Variants in ACBD6 observed in about 807,000 individuals in gnomAD.
ACBD6 encodes acyl-CoA-binding domain-containing protein 6.
In ACBD6, 28 loss-of-function variants were observed where a neutral mutation model predicts 37.2. The observed-to-expected ratio is 0.75, with a 90% CI of 0.56 to 1.03. The LOEUF is 1.03. ACBD6 is among the 50% of genes least tolerant of loss of function. The probability of loss-of-function intolerance (pLI) is 0.00; values close to 1 mark genes in which losing one functional copy is unlikely to be tolerated. For missense variants in ACBD6, 340 were observed against 337.4 expected, an observed-to-expected ratio of 1.01 and a Z score of -0.06; for synonymous variants, 113 against 126.8, an observed-to-expected ratio of 0.89 and a Z score of 0.73.
At chr1:180,387,425 C>T (rs1205700568) in intron 6 of ACBD6, among the ~76,000 whole-genome samples, 1 of 152,204 alleles carries the variant, frequency 6.6e-6, no homozygotes, top group African/African-American at 2.4e-5. Context: ...ACCACTTGGT[C>T]TCCACTGACA....
chr1:180,390,785 C>T (rs1307125744), intron 6 of ACBD6, among the ~76,000 whole-genome samples: 1 of 152,114 alleles, frequency 6.6e-6, no homozygotes, highest in African/African-American at 2.4e-5. Flanking sequence ...GGAGTTCACA[C>T]AATTCTTATT....
intron 4 of ACBD6, among the ~76,000 whole-genome samples, chr1:180,424,293 C>A (rs1374478525): frequency 1.3e-5 from 2 of 152,118 alleles, no homozygotes; most frequent in Non-Finnish European, 2.9e-5. Flanking sequence ...AGAAGTAATA[C>A]ATATAGTATG....
At position 180,330,494 on chromosome 1, in the gene ACBD6, A is replaced by G. The variant is rs150273145; in HGVS notation, c.664-15772T>C. 6.3e-3 allele frequency among the ~76,000 whole-genome samples: 960 copies of G among 152,250 alleles called. 9 individuals are homozygous for G. Among genetic ancestry groups the G allele is most frequent in the African/African-American group, 0.022 (912 of 41,554 alleles). On this transcript the variant is annotated intron_variant, in intron 6 of 7. Transcript: ENST00000367595. ...AAAAAAACCTTATTTGAAAAACCAT[A>G]CATCTGTGATCAAATATAAATGGGC...
chr1:180,324,437 T>G (rs1651182745), intron 6 of ACBD6, among the ~76,000 whole-genome samples: 1 of 152,104 alleles, frequency 6.6e-6, no homozygotes, highest in Admixed American at 6.5e-5. Flanking sequence ...CCATTATTAT[T>G]AAGCTGATGA....
intron 9 of ACBD6, chr1:180,278,208 C>T (rs1042023606): frequency 2.6e-5 from 4 of 152,202 alleles, no homozygotes; most frequent in African/African-American, 9.6e-5. Context: ...CATTTTTAAA[C>T]ACTGCACTTT....
chr1:180,418,531 A>C (rs1292123641), intron 4 of ACBD6, among the ~76,000 whole-genome samples: 1 of 152,080 alleles, frequency 6.6e-6, no homozygotes, highest in East Asian at 1.9e-4. Flanking sequence ...GTGAGCTATA[A>C]TCACACCACT....
chr1:180,424,484 GA>G (rs1231336307), intron 4 of ACBD6, among the ~76,000 whole-genome samples: 1 of 152,138 alleles, frequency 6.6e-6, no homozygotes, highest in Non-Finnish European at 1.5e-5. Flanking sequence ...GGAACAGAGT[GA>G]AAAAGGGGGT....
chr1:180,399,560 G>A (rs185666570), intron 5 of ACBD6, among the ~76,000 whole-genome samples: 110 of 152,306 alleles, frequency 7.2e-4, no homozygotes, highest in African/African-American at 2.2e-3. Context: ...GAGCCACCAC[G>A]CCCAGCCAGA....
In ACBD6 at chr1:180,302,140, C is replaced by G. The variant is rs182957936; in HGVS notation, c.694+12552G>C. Among the ~76,000 whole-genome samples the G allele has an allele frequency of 5.1e-4, 77 of 151,840 alleles. 2 individuals are homozygous for G. In the South Asian group the frequency reaches 0.015, roughly 30 times the overall value. ...ACATGGCACATGTATACATATGTAA[C>G]AAACCTGCATGTTGTGCACATGTAA... On this transcript the variant is annotated intron_variant, in intron 7 of 7. Coordinates refer to ENST00000367595, the MANE Select transcript of ACBD6 (RefSeq NM_032360.4).
At chr1:180,332,798 T>C (rs1384179101) in intron 6 of ACBD6, among the ~76,000 whole-genome samples, 1 of 152,140 alleles carries the variant, frequency 6.6e-6, no homozygotes, top group Admixed American at 6.5e-5. Context: ...CATGGTAAAA[T>C]TGTCTTCCAC....
At chr1:180,357,142 A>G (rs1340154609) in intron 6 of ACBD6, among the ~76,000 whole-genome samples, 1 of 152,196 alleles carries the variant, frequency 6.6e-6, no homozygotes, top group Non-Finnish European at 1.5e-5. Context: ...GCTGTTCTTT[A>G]AGAAAATTAA....
At chr1:180,393,232 A>C (rs1273024572) in intron 6 of ACBD6, among the ~76,000 whole-genome samples, 1 of 152,210 alleles carries the variant, frequency 6.6e-6, no homozygotes, top group African/African-American at 2.4e-5. Flanking sequence ...TAACAAATGA[A>C]ATCTATACAG....
chr1:180,293,280 T>C (rs1171655568), intron 7 of ACBD6, among the ~76,000 whole-genome samples: 2 of 146,324 alleles, frequency 1.4e-5, no homozygotes, highest in Non-Finnish European at 3.0e-5. Context: ...TTTCTGGAAG[T>C]GTTTGTGTGT....
chr1:180,344,052 G>C (rs1315930485), intron 6 of ACBD6, among the ~76,000 whole-genome samples: 1 of 152,174 alleles, frequency 6.6e-6, no homozygotes, highest in Non-Finnish European at 1.5e-5. Flanking sequence ...GCTCTGTATA[G>C]AAGAAGAATT....
chr1:180,459,251 G>T (rs1490441645), intron 3 of ACBD6, among the ~76,000 whole-genome samples: 2 of 152,076 alleles, frequency 1.3e-5, no homozygotes, highest in African/African-American at 4.8e-5. Flanking sequence ...TGAAACCATG[G>T]TCAGTAATTT....
intron 1 of ACBD6, among the ~76,000 whole-genome samples, chr1:180,498,336 T>C (rs1651814602): frequency 6.6e-6 from 1 of 152,234 alleles, no homozygotes; most frequent in Non-Finnish European, 1.5e-5. Flanking sequence ...CGTTCATTTT[T>C]AAGAAACTAC....
intron 4 of ACBD6, among the ~76,000 whole-genome samples, chr1:180,416,798 C>G (rs540478049): frequency 6.6e-6 from 1 of 152,290 alleles, no homozygotes; most frequent in South Asian, 2.1e-4. Context: ...AATATGTTAT[C>G]TGTACCATTT....
intron 2 of ACBD6, among the ~76,000 whole-genome samples, chr1:180,494,536 A>G (rs1651653566): frequency 6.6e-6 from 1 of 152,244 alleles, no homozygotes; most frequent in Non-Finnish European, 1.5e-5. Flanking sequence ...TACGTGATTT[A>G]TATCTGGGTT....
intron 6 of ACBD6, among the ~76,000 whole-genome samples, chr1:180,362,249 C>T (rs1048221034): frequency 1.2e-4 from 18 of 152,148 alleles, no homozygotes; most frequent in African/African-American, 1.4e-4. Context: ...TCTTTTATTA[C>T]GTGCATTTAA....
Sources: gnomAD v4.1 joint callset for allele counts (sites outside exome capture counted in the v4.1 genomes callset) on GRCh38, gnomAD v4.1.1 for gene constraint, MANE v1.5 for transcripts, NCBI Gene and HGNC (gene_info 2026-07-23, HGNC 2026-07-21) for gene names.